HHAT: variants seen among roughly 807,000 people sequenced by gnomAD.
HHAT encodes the protein protein-cysteine N-palmitoyltransferase HHAT.
Under a neutral mutation model 70.8 loss-of-function variants are expected in HHAT, and 47 were observed. The ratio of observed to expected loss-of-function variants is 0.66; its 90% CI spans 0.53 to 0.85. The LOEUF (loss-of-function observed/expected upper bound fraction) is 0.85, where lower values mean the gene tolerates loss of function less well. Among genes scored for constraint, HHAT ranks in the 40% least tolerant of loss-of-function variants. The pLI is 0.00. For missense variants in HHAT, 609 were observed against 604.8 expected (o/e 1.01, Z -0.07); for synonymous variants, 228 against 247.6 (o/e 0.92, Z 0.74).
chr1:210,641,842 A>G (rs1476617040), intron 11 of HHAT, among the ~76,000 whole-genome samples: 3 of 152,228 alleles, frequency 2.0e-5, no homozygotes, highest in East Asian at 3.8e-4. Flanking sequence ...ATCGTAGGCA[A>G]TGCTGCTTCT....
chr1:210,496,535 G>A (rs4845035), intron 8 of HHAT, among the ~76,000 whole-genome samples: 27,606 of 152,138 alleles, frequency 0.18, 3,154 homozygotes, highest in Admixed American at 0.29. Context: ...ATTGTCCAGG[G>A]CCATCATGGA....
intron 1 of HHAT, among the ~76,000 whole-genome samples, chr1:210,332,639 T>C (rs1177927567): frequency 7.2e-5 from 11 of 152,256 alleles, no homozygotes; most frequent in Non-Finnish European, 1.5e-5. Context: ...TTTGTGCTTA[T>C]GTTTTTTCTT....
chr1:210,560,814 TAAAAAAAAAAAAAAAAAAAAA>T (rs60192211), intron 9 of HHAT, among the ~76,000 whole-genome samples: 6 of 28,514 alleles, frequency 2.1e-4, no homozygotes, highest in Admixed American at 8.8e-4. Context: ...CCCTGTGTCT[TAAAAAAAAAAAAAAAAAAAAA>T]AAAAAAAAAA....
At chr1:210,543,702 C>G (rs2095453868) in intron 9 of HHAT, among the ~76,000 whole-genome samples, 1 of 152,140 alleles carries the variant, frequency 6.6e-6, no homozygotes, top group Admixed American at 6.5e-5. Flanking sequence ...TAGGACCCTT[C>G]CAAAGGCCTT....
At chr1:210,491,083 G>GTGTC (rs1553243034) in intron 8 of HHAT, among the ~76,000 whole-genome samples, 13 of 151,766 alleles carry the variant, frequency 8.6e-5, no homozygotes, top group African/African-American at 3.2e-4. Flanking sequence ...GTGTGTGTGT[G>GTGTC]TGTCTGTGTG....
At position 210,417,904 on chromosome 1, in the gene HHAT, C is replaced by T. The variant is rs73073758; in HGVS notation, c.685-250C>T. Among the ~76,000 whole-genome samples, 840 of 152,188 alleles carry T rather than the reference C, an allele frequency of 5.5e-3. 8 individuals are homozygous for T. The highest frequency in any genetic ancestry group is 0.019 in the African/African-American group (782 of 41,518). On this transcript the variant is annotated intron_variant, in intron 6 of 11. Transcript: ENST00000261458. ...CTGGAGTGGAGGGATCAGTGCAGAA[C>T]GTGTCTTTGGCTCTTGGCACTAGGC...
chr1:210,397,681 G>A (rs967408191), intron 4 of HHAT, among the ~76,000 whole-genome samples: 1 of 152,144 alleles, frequency 6.6e-6, no homozygotes, highest in African/African-American at 2.4e-5. Flanking sequence ...CACATTTGGA[G>A]TAGAGATGGA....
At chr1:210,496,009 T>C (rs1213439317) in intron 8 of HHAT, among the ~76,000 whole-genome samples, 122 of 14,960 alleles carry the variant, frequency 8.2e-3, no homozygotes, top group African/African-American at 0.038. Flanking sequence ...AAACTCTATC[T>C]CAAAAAAAAA....
chr1:210,612,842 T>G (rs1237903762), intron 10 of HHAT, among the ~76,000 whole-genome samples: 1 of 152,186 alleles, frequency 6.6e-6, no homozygotes, highest in East Asian at 1.9e-4. Flanking sequence ...CCTTAGAAGG[T>G]GTGAAGTGAT....
At chr1:210,519,636 G>T (rs1224669704) in intron 9 of HHAT, among the ~76,000 whole-genome samples, 3 of 145,610 alleles carry the variant, frequency 2.1e-5, no homozygotes, top group East Asian at 4.1e-4. Context: ...CAAGCAATCC[G>T]CCTACCTTAG....
chr1:210,485,545 C>T (rs541560411), intron 8 of HHAT, among the ~76,000 whole-genome samples: 18 of 152,176 alleles, frequency 1.2e-4, no homozygotes, highest in African/African-American at 3.4e-4. Context: ...AATTTTCACA[C>T]CACTGATAAA....
chr1:210,457,112 T>A (rs2093885387), intron 7 of HHAT, among the ~76,000 whole-genome samples: 1 of 152,186 alleles, frequency 6.6e-6, no homozygotes, highest in South Asian at 2.1e-4. Context: ...GCCATCATGA[T>A]GACTCTGAGC....
chr1:210,440,019 T>A (rs1233006147), intron 7 of HHAT, among the ~76,000 whole-genome samples: 1 of 151,846 alleles, frequency 6.6e-6, no homozygotes, highest in Admixed American at 6.5e-5. Flanking sequence ...GCCCGCTGAC[T>A]AGAAGAGATA....
chr1:210,410,465 A>G (rs1474856243), intron 6 of HHAT, among the ~76,000 whole-genome samples: 1 of 150,362 alleles, frequency 6.7e-6, no homozygotes, highest in Non-Finnish European at 1.5e-5. Context: ...TTTTTTAAGT[A>G]AAAGCAAATA....
chr1:210,477,912 G>A (rs1433353780), intron 8 of HHAT, among the ~76,000 whole-genome samples: 1 of 152,180 alleles, frequency 6.6e-6, no homozygotes, highest in African/African-American at 2.4e-5. Context: ...TCATCATAAT[G>A]TAAATCTGCA....
Position 210,400,547 on chromosome 1 carries a change from T to G in HHAT, c.353T>G (p.Leu118Trp). The change falls in exon 5 of 12, where the codon TTG becomes TGG. Residue 118 changes from leucine to tryptophan, a missense_variant. Leu to Trp is a moderately conservative substitution (Grantham distance 61). Coordinates refer to ENST00000261458, the MANE Select transcript of HHAT (RefSeq NM_018194.6). Reference sequence around the variant, plus strand: ...GGGACCCCTGGTGTGGCTATGGTTTTGCTCCATACCACCATCTCTTTCTGC... The same window carrying G: ...GGGACCCCTGGTGTGGCTATGGTTTGGCTCCATACCACCATCTCTTTCTGC... ...VLGTPGVAMV[L>W]LHTTISFCVA... 1 of 1,614,140 alleles carries G rather than the reference T, an allele frequency of 6.2e-7. No individual in the cohort carries two copies. Among genetic ancestry groups the G allele is most frequent in the Non-Finnish European group, 8.5e-7 (1 of 1,180,006 alleles).
chr1:210,344,266 CTA>C (rs1491260471), intron 1 of HHAT, among the ~76,000 whole-genome samples: 2 of 141,468 alleles, frequency 1.4e-5, no homozygotes, highest in African/African-American at 5.4e-5. Context: ...ATTGTTGAAA[CTA>C]TGTTATTGTT....
chr1:210,585,925 A>G (rs1419220220), intron 9 of HHAT, among the ~76,000 whole-genome samples: 11 of 152,158 alleles, frequency 7.2e-5, no homozygotes, highest in Non-Finnish European at 1.6e-4. Flanking sequence ...ATGATGGAGC[A>G]TGATCAGATA....
intron 10 of HHAT, among the ~76,000 whole-genome samples, chr1:210,605,011 C>T (rs1450266840): frequency 1.7e-5 from 1 of 58,106 alleles, no homozygotes; most frequent in African/African-American, 6.1e-5. Context: ...CTGGGCAAGA[C>T]TCAACAACAA....
Sources: gnomAD v4.1 joint callset for allele counts (sites outside exome capture counted in the v4.1 genomes callset) on GRCh38, gnomAD v4.1.1 for gene constraint, MANE v1.5 for transcripts, NCBI Gene and HGNC (gene_info 2026-07-23, HGNC 2026-07-21) for gene names.